The following DSCAM variants were observed in gnomAD, a reference collection of about 807,000 sequenced individuals.
DSCAM encodes DS cell adhesion molecule.
In DSCAM, 47 loss-of-function variants were observed where a neutral mutation model predicts 217.7. That is an observed-to-expected ratio of 0.22 (90% CI 0.17 to 0.28). The LOEUF (loss-of-function observed/expected upper bound fraction) is 0.28. Among genes scored for constraint, DSCAM ranks in the 10% least tolerant of loss-of-function variants. The probability of loss-of-function intolerance (pLI) is 1.00; values close to 1 mark genes in which losing one functional copy is unlikely to be tolerated. For missense variants in DSCAM, 2,080 were observed against 2,618.3 expected (o/e 0.79, Z 4.49); for synonymous variants, 1,056 against 1,015.3 (o/e 1.04, Z -0.76).
At chr21:40,439,602 C>T (rs2145910848) in intron 3 of DSCAM, among the ~76,000 whole-genome samples, 1 of 152,312 alleles carries the variant, frequency 6.6e-6, no homozygotes, top group South Asian at 2.1e-4. Flanking sequence ...CCAATGCTTC[C>T]TTCTGTATTA....
intron 3 of DSCAM, among the ~76,000 whole-genome samples, chr21:40,556,016 G>A (rs1156964851): frequency 6.6e-6 from 1 of 152,080 alleles, no homozygotes; most frequent in Non-Finnish European, 1.5e-5. Context: ...AAATGTTCCA[G>A]AAAAATTCTG....
rs1205987618 is a variant in DSCAM, at chr21:40,379,165, G to A, written c.509-9920C>T. ...ATCTGCCCAAATGTTAACTGTGGTT[G>A]CCTCTGAAATCATGAGTGGATTAGA... is the stretch of plus-strand genomic sequence containing the variant. On this transcript the variant is annotated intron_variant, in intron 3 of 32. Transcript: ENST00000400454. 2.6e-5 allele frequency among the ~76,000 whole-genome samples: 4 copies of A among 152,198 alleles called. No homozygotes were observed. The East Asian group carries it at 5.8e-4, about 22-fold the overall frequency.
chr21:40,827,904 A>T (rs2091983217), intron 1 of DSCAM, among the ~76,000 whole-genome samples: 1 of 152,260 alleles, frequency 6.6e-6, no homozygotes, highest in Non-Finnish European at 1.5e-5. Context: ...CTTTCAGCAC[A>T]GTTAGTTTGA....
chr21:40,086,433 C>T (rs888011551), intron 22 of DSCAM, among the ~76,000 whole-genome samples: 3 of 152,154 alleles, frequency 2.0e-5, no homozygotes, highest in African/African-American at 7.2e-5. Context: ...CTAAACCAAA[C>T]CATTATTTCT....
intron 31 of DSCAM, among the ~76,000 whole-genome samples, chr21:40,043,003 T>G (rs1329086889): frequency 6.6e-6 from 1 of 152,226 alleles, no homozygotes; most frequent in Non-Finnish European, 1.5e-5. Flanking sequence ...CAGCCCCCTC[T>G]CTGCTCCAAC....
At chr21:40,046,445 T>G (rs1248975173) in intron 30 of DSCAM, among the ~76,000 whole-genome samples, 1 of 144,004 alleles carries the variant, frequency 6.9e-6, no homozygotes, top group Non-Finnish European at 1.5e-5. Flanking sequence ...TTGATGAGAA[T>G]GTAAATGAGT....
chr21:40,301,500 T>C (rs1447108383), intron 9 of DSCAM, among the ~76,000 whole-genome samples: 1 of 145,312 alleles, frequency 6.9e-6, no homozygotes, highest in Non-Finnish European at 1.5e-5. Context: ...CATTCACCAT[T>C]TGCATCTTAG....
At chr21:40,446,667 T>C (rs934532780) in intron 3 of DSCAM, among the ~76,000 whole-genome samples, 3 of 152,190 alleles carry the variant, frequency 2.0e-5, no homozygotes, top group South Asian at 4.1e-4. Context: ...GTGAATTTCA[T>C]TTAAGAATCA....
chr21:40,634,399 C>G (rs1247274729), intron 3 of DSCAM, among the ~76,000 whole-genome samples: 3 of 152,180 alleles, frequency 2.0e-5, no homozygotes, highest in Non-Finnish European at 4.4e-5. Context: ...TCTTCACTAC[C>G]AAGGCTTCTA....
intron 3 of DSCAM, among the ~76,000 whole-genome samples, chr21:40,668,215 A>G (rs1351466618): frequency 7.5e-6 from 1 of 132,976 alleles, no homozygotes. Flanking sequence ...TAGTCCCTGC[A>G]CTGGGTGCTG....
At chr21:40,378,550 A>C (rs2074986298) in intron 3 of DSCAM, among the ~76,000 whole-genome samples, 1 of 131,424 alleles carries the variant, frequency 7.6e-6, no homozygotes, top group African/African-American at 2.9e-5. Flanking sequence ...AACAATGAAA[A>C]CTTATTTTTT....
At chr21:40,112,039 G>A in intron 20 of DSCAM, among the ~76,000 whole-genome samples, 1 of 151,278 alleles carries the variant, frequency 6.6e-6, no homozygotes, top group Non-Finnish European at 1.5e-5. Flanking sequence ...TATCCAGGAA[G>A]TGAACTCAGC....
At chr21:40,325,002 T>C (rs2074302411) in intron 8 of DSCAM, among the ~76,000 whole-genome samples, 1 of 152,168 alleles carries the variant, frequency 6.6e-6, no homozygotes, top group Non-Finnish European at 1.5e-5. Flanking sequence ...TGGTATTCAT[T>C]TTAAAACTTG....
chr21:40,261,652 TACACAC>T (rs71186922), intron 11 of DSCAM, among the ~76,000 whole-genome samples: 92 of 133,504 alleles, frequency 6.9e-4, no homozygotes, highest in African/African-American at 2.3e-3. Flanking sequence ...TCTCTCTCTC[TACACAC>T]ACACACACAC....
intron 25 of DSCAM, among the ~76,000 whole-genome samples, chr21:40,079,767 G>C (rs1298442556): frequency 6.6e-6 from 1 of 151,802 alleles, no homozygotes. Context: ...CCTCTGAAAA[G>C]CGGTGGCTAT....
chr21:40,155,628 G>C (rs1345152619), intron 16 of DSCAM, among the ~76,000 whole-genome samples: 1 of 152,132 alleles, frequency 6.6e-6, no homozygotes, highest in African/African-American at 2.4e-5. Context: ...AAAAATGCTC[G>C]GAAGTAGTTT....
chr21:40,519,330 C>T (rs923144896), intron 3 of DSCAM, among the ~76,000 whole-genome samples: 2 of 151,986 alleles, frequency 1.3e-5, no homozygotes, highest in African/African-American at 4.8e-5. Flanking sequence ...AATTGAGAAC[C>T]TTATGAAAAA....
At chr21:40,221,771 A>G (rs1441878474) in intron 11 of DSCAM, among the ~76,000 whole-genome samples, 2 of 152,200 alleles carry the variant, frequency 1.3e-5, no homozygotes, top group African/African-American at 4.8e-5. Flanking sequence ...CACTCGCAAC[A>G]AAAACAAACG....
intron 11 of DSCAM, among the ~76,000 whole-genome samples, chr21:40,209,104 G>A (rs993223228): frequency 1.3e-5 from 2 of 152,200 alleles, no homozygotes; most frequent in African/African-American, 4.8e-5. Flanking sequence ...TAGCCACGAG[G>A]ACAATGAGTG....
Sources: allele counts gnomAD v4.1 joint callset (sites outside exome capture counted in the v4.1 genomes callset), GRCh38; gene constraint gnomAD v4.1.1; transcripts MANE v1.5; gene names NCBI Gene and HGNC (gene_info 2026-07-23, HGNC 2026-07-21).